The following TOM1L1 variants were observed in gnomAD, a reference collection of about 807,000 sequenced individuals.
TOM1L1 encodes TOM1-like protein 1.
TOM1L1 carries 64 observed loss-of-function variants against 63.4 expected under a neutral mutation model. The ratio of observed to expected loss-of-function variants is 1.01; its 90% CI spans 0.83 to 1.24. The LOEUF is 1.24. Ranked by LOEUF, TOM1L1 falls within the 50% of genes most tolerant of loss-of-function variation. TOM1L1 has a pLI of 0.00. For missense variants in TOM1L1, 536 were observed against 567.0 expected, an observed-to-expected ratio of 0.95 and a Z score of 0.55; for synonymous variants, 166 against 194.4, an observed-to-expected ratio of 0.85 and a Z score of 1.22.
At position 54,914,684 on chromosome 17, in the gene TOM1L1, C is replaced by G. The variant is rs1449002863; in HGVS notation, c.544C>G (p.Pro182Ala). ...SNPPTSVPTAPALSSVIAPKN... is the reference protein window; with the variant it reads ...SNPPTSVPTAAALSSVIAPKN... ...TCCTCCAACATCTGTCCCTACTGCACCAGCTCTTTCTTCTGTAATTGCTCC... is the reference window on the plus strand; with the variant it reads ...TCCTCCAACATCTGTCCCTACTGCAGCAGCTCTTTCTTCTGTAATTGCTCC... Residue 182 changes from proline to alanine, a missense_variant, in exon 6 of 16, where the codon CCA (proline) becomes GCA (alanine). Physicochemically the swap from Pro to Ala is conservative, Grantham distance 27. Transcript: ENST00000575882. 2 of 1,613,998 alleles carry G rather than the reference C, an allele frequency of 1.2e-6. No individual in the cohort carries two copies. The highest frequency in any genetic ancestry group is 8.5e-7 in the Non-Finnish European group (1 of 1,179,894).
chr17:54,927,457 A>G (rs747310935), intron 7 of TOM1L1, among the ~76,000 whole-genome samples: 2 of 152,202 alleles, frequency 1.3e-5, no homozygotes, highest in Admixed American at 6.5e-5. Context: ...TGAGTGCTCT[A>G]TGGAGGAGTA....
intron 1 of TOM1L1, among the ~76,000 whole-genome samples, chr17:54,903,315 A>G (rs2048357522): frequency 6.6e-6 from 1 of 152,208 alleles, no homozygotes; most frequent in South Asian, 2.1e-4. Context: ...CTTCTATCTC[A>G]TCATCTCTCA....
At chr17:54,938,814 C>CT (rs367763035) in intron 10 of TOM1L1, 110 bp from the exon 11 acceptor site, 4,815 of 535,954 alleles carry the variant, frequency 9.0e-3, no homozygotes, top group Non-Finnish European at 0.01. Context: ...GTGGGTTTTT[C>CT]TTTTTTTTTT....
At chr17:54,938,825 C>A in intron 10 of TOM1L1, 99 bp from the exon 11 acceptor site, 4 of 563,406 alleles carry the variant, frequency 7.1e-6, no homozygotes, top group Non-Finnish European at 5.8e-6. Flanking sequence ...TTTTTTTTTT[C>A]TTTTTCTTTT....
chr17:54,950,554 C>G (rs552248605), intron 14 of TOM1L1, among the ~76,000 whole-genome samples: 1 of 152,230 alleles, frequency 6.6e-6, no homozygotes, highest in South Asian at 2.1e-4. Context: ...AGCATTAGTA[C>G]AATTACTTTT....
chr17:54,950,002 C>A, intron 13 of TOM1L1, 43 bp from the exon 14 acceptor site: 1 of 1,520,400 alleles, frequency 6.6e-7, no homozygotes, highest in African/African-American at 1.4e-5. Flanking sequence ...GTGTACTCCT[C>A]AAAAAGCACA....
At chr17:54,949,688 G>C in intron 13 of TOM1L1, 65 bp downstream of exon 13, 2 of 1,301,764 alleles carry the variant, frequency 1.5e-6, no homozygotes, top group Non-Finnish European at 2.2e-6. Flanking sequence ...GTCTGCCAGA[G>C]ATTCATTGGT....
chr17:54,904,443 C>T (rs1876471343), intron 2 of TOM1L1, among the ~76,000 whole-genome samples: 1 of 151,626 alleles, frequency 6.6e-6, no homozygotes, highest in Admixed American at 6.6e-5. Flanking sequence ...GCTCCCAGTG[C>T]CAGTATTTGA....
rs201670840 is a variant in TOM1L1, at chr17:54,950,118, C to G, written c.1362C>G (p.Val454=). 3,813 of 1,610,626 alleles carry G rather than the reference C, an allele frequency of 2.4e-3. 136 individuals are homozygous for G. The South Asian group carries it at 0.039, about 17-fold the overall frequency. ...VMEFDPLAPA[V]TTEAIYEEID... is the part of the protein sequence containing the mutation. ...AGTTTGATCCCTTAGCTCCTGCTGTCACTACAGAGTAAGTCATTTACAAAA... is the reference window on the plus strand; with the variant it reads ...AGTTTGATCCCTTAGCTCCTGCTGTGACTACAGAGTAAGTCATTTACAAAA... Residue 454 remains valine, a synonymous_variant, in exon 14 of 16, where the codon GTC becomes GTG. Coordinates refer to ENST00000575882, the MANE Select transcript of TOM1L1 (RefSeq NM_005486.3).
At chr17:54,954,353 AAC>A (rs1327528733) in intron 14 of TOM1L1, 1 of 152,202 alleles carries the variant, frequency 6.6e-6, no homozygotes, top group African/African-American at 2.4e-5. Context: ...AGTTTTAAAA[AAC>A]ACATAGACCC....
At chr17:54,922,259 C>T (rs973579696) in intron 7 of TOM1L1, among the ~76,000 whole-genome samples, 12 of 151,648 alleles carry the variant, frequency 7.9e-5, no homozygotes, top group Admixed American at 2.6e-4. Flanking sequence ...AGCCACTGCA[C>T]TCCAGCCTGG....
chr17:54,960,994 G>T (rs982268678), intron 15 of TOM1L1: 1 of 556,506 alleles, frequency 1.8e-6, no homozygotes, highest in Non-Finnish European at 3.2e-6. Flanking sequence ...CTCCAAATAG[G>T]TCTGAATTTT....
chr17:54,946,923 G>A (rs1054967459), intron 11 of TOM1L1, among the ~76,000 whole-genome samples: 2 of 152,080 alleles, frequency 1.3e-5, no homozygotes, highest in African/African-American at 4.8e-5. Context: ...GCTTTATCCT[G>A]GACCGGAGAC....
chr17:54,951,992 A>AC (rs1209611887), intron 14 of TOM1L1: 1 of 152,186 alleles, frequency 6.6e-6, no homozygotes, highest in Non-Finnish European at 1.5e-5. Flanking sequence ...CTTCATGTTG[A>AC]CCAGGGACAC....
At chr17:54,950,578 TA>T (rs992197158) in intron 14 of TOM1L1, among the ~76,000 whole-genome samples, 4 of 152,182 alleles carry the variant, frequency 2.6e-5, no homozygotes, top group African/African-American at 7.2e-5. Flanking sequence ...TTAAAATCCT[TA>T]AAGCAACATT....
chr17:54,924,879 C>T (rs2048742888), intron 7 of TOM1L1, among the ~76,000 whole-genome samples: 1 of 152,122 alleles, frequency 6.6e-6, no homozygotes. Context: ...GCTGGTTGTC[C>T]AAATAACATC....
rs1164279252 is a variant in TOM1L1 at position 54,949,615 on chromosome 17, A to T, written c.1280A>T (p.Asn427Ile). The T allele has an allele frequency of 1.2e-6, 2 of 1,612,834 alleles. No homozygotes were observed. Among genetic ancestry groups the T allele is most frequent in the Non-Finnish European group, 1.7e-6 (2 of 1,178,848 alleles). ...CAGAGTCTGCCACCTTTGCCCAGCA[A>T]TCATCCAGGTACATGGGACCTTATT... ...SNQSLPPLPS[N>I]HPAMTKSDLQ... is the part of the protein sequence containing the mutation. The change falls in exon 13 of 16, where the codon AAT becomes ATT. Residue 427 changes from asparagine to isoleucine, a missense_variant. Asn to Ile is a moderately radical substitution (Grantham distance 149, BLOSUM62 -3). Coordinates refer to ENST00000575882, the MANE Select transcript of TOM1L1 (RefSeq NM_005486.3).
At chr17:54,940,378 C>T (rs1300078816) in intron 11 of TOM1L1, among the ~76,000 whole-genome samples, 3 of 152,182 alleles carry the variant, frequency 2.0e-5, no homozygotes, top group Non-Finnish European at 4.4e-5. Flanking sequence ...TATGGAAAGA[C>T]AGTTACTATG....
At chr17:54,952,301 C>T (rs1189222930) in intron 14 of TOM1L1, 9 of 152,238 alleles carry the variant, frequency 5.9e-5, no homozygotes, top group African/African-American at 2.2e-4. Flanking sequence ...CCCCTGTAAT[C>T]CCAGCACTTT....
Sources: allele counts gnomAD v4.1 joint callset (sites outside exome capture counted in the v4.1 genomes callset), GRCh38; gene constraint gnomAD v4.1.1; transcripts MANE v1.5; gene names NCBI Gene and HGNC (gene_info 2026-07-23, HGNC 2026-07-21).